The following TARDBP variants were observed in gnomAD, a reference collection of about 807,000 sequenced individuals.
TARDBP encodes TAR DNA binding protein, also known as TAR DNA-binding protein 43.
TARDBP carries 4 observed loss-of-function variants against 38.3 expected under a neutral mutation model. The ratio of observed to expected loss-of-function variants is 0.10; its 90% CI spans 0.05 to 0.24. TARDBP has a LOEUF of 0.24. Ranked by LOEUF, TARDBP falls within the 10% of genes least tolerant of loss-of-function variation. The pLI is 1.00. For missense variants in TARDBP, 202 were observed against 521.9 expected, an observed-to-expected ratio of 0.39 and a Z score of 5.97; for synonymous variants, 184 against 183.8, an observed-to-expected ratio of 1.00 and a Z score of -0.01.
At chr1:11,015,347 G>A (rs1327041778) in intron 2 of TARDBP, among the ~76,000 whole-genome samples, 2 of 151,878 alleles carry the variant, frequency 1.3e-5, no homozygotes, top group Admixed American at 6.6e-5. Context: ...TTAGCCAGGC[G>A]TGGTGGTTCG....
intron 2 of TARDBP, among the ~76,000 whole-genome samples, chr1:11,016,537 T>C (rs939455936): frequency 6.6e-6 from 1 of 152,220 alleles, no homozygotes; most frequent in African/African-American, 2.4e-5. Context: ...GTTGCTGATA[T>C]TTAAAGTCAA....
At chr1:11,019,133 T>G (rs746464868) in intron 4 of TARDBP, 3 of 497,798 alleles carry the variant, frequency 6.0e-6, no homozygotes, top group Non-Finnish European at 1.1e-5. Context: ...AAAGGTTATT[T>G]GTCAAGTTAA....
rs763180944 is a variant in TARDBP at position 11,022,183 on chromosome 1, C to T, written c.774C>T (p.Ser258=). Residue 258 remains serine, a synonymous_variant, in exon 6 of 6, where the codon TCC becomes TCT. Transcript: ENST00000240185. The surrounding 1 kb of genome is among the most constrained non-coding windows in gnomAD (Gnocchi z 4.5). The stretch of plus-strand genomic sequence containing the variant: ...TTAAAGGAATCAGCGTTCATATATC[C>T]AATGCCGAACCTAAGCACAATAGCA... The part of the protein sequence containing the change: ...LIIKGISVHI[S]NAEPKHNSNR... 2.5e-6 allele frequency: 4 copies of T among 1,613,928 alleles called. No individual in the cohort carries two copies. The South Asian group carries it at 4.4e-5, about 18-fold the overall frequency.
downstream of TARDBP, chr1:11,025,869 ATTT>A: frequency 9.0e-5 from 14 of 154,924 alleles, 2 homozygotes; most frequent in Middle Eastern, 7.3e-3. Context: ...AGTAAGAATG[ATTT>A]TGTTGTTGTT....
At position 11,016,878 on chromosome 1, in the gene TARDBP, A is replaced by G. The variant is rs369009972; in HGVS notation, c.273A>G (p.Ser91=). 7 of 1,614,096 alleles carry G rather than the reference A, an allele frequency of 4.3e-6. No individual in the cohort carries two copies. The highest frequency in any genetic ancestry group is 5.9e-6 in the Non-Finnish European group (7 of 1,180,052). The change falls in exon 3 of 6, where the codon TCA becomes TCG. Residue 91 remains serine, a synonymous_variant. Coordinates refer to ENST00000240185, the MANE Select transcript of TARDBP (RefSeq NM_007375.4). ...NKRKMDETDA[S]SAVKVKRAVQ... is the part of the protein sequence containing the mutation. Reference sequence around the variant, plus strand: ...GAAAAATGGATGAGACAGATGCTTCATCAGCAGTGAAAGTGAAAAGAGCAG... The same window carrying G: ...GAAAAATGGATGAGACAGATGCTTCGTCAGCAGTGAAAGTGAAAAGAGCAG...
downstream of TARDBP, chr1:11,026,979 C>A: frequency 6.3e-7 from 1 of 1,585,274 alleles, no homozygotes; most frequent in Non-Finnish European, 8.6e-7. Flanking sequence ...ATTCATGGAA[C>A]CCCAGGACAC....
rs1643673607 is a variant in TARDBP at position 11,023,151 on chromosome 1, TACACA to T, written c.*499_*503del. On this transcript the variant is annotated 3_prime_UTR_variant, in exon 6 of 6. Coordinates refer to ENST00000240185, the MANE Select transcript of TARDBP (RefSeq NM_007375.4). ...GTTTTTTAACACTTGTCTCCCCTCA[TACACA>T]AAAGTACAATATGAAGCCTTCATTT... 5.2e-6 allele frequency: 8 copies of T among 1,547,236 alleles called. No individual in the cohort carries two copies. The highest frequency in any genetic ancestry group is 7.0e-6 in the Non-Finnish European group (8 of 1,144,628).
chr1:11,015,317 C>T (rs994630989), intron 2 of TARDBP, among the ~76,000 whole-genome samples: 4 of 151,392 alleles, frequency 2.6e-5, no homozygotes, highest in African/African-American at 2.4e-5. Context: ...GAAACCCTGT[C>T]TCTACTAAAA....
At chr1:11,018,601 C>A in intron 3 of TARDBP, 132 bp from the exon 4 acceptor site, 1 of 1,238,140 alleles carries the variant, frequency 8.1e-7, no homozygotes, top group Non-Finnish European at 1.2e-6. Context: ...ACTGTTAAGA[C>A]TAACTTGGTT....
At chr1:11,025,717 G>A (rs1437260588), downstream of TARDBP, 1 of 152,308 alleles carries the variant, frequency 6.6e-6, no homozygotes, top group Non-Finnish European at 1.5e-5. Context: ...AAACTTGAAT[G>A]TTAGCTATTA....
chr1:11,021,527 C>CA (rs1643639087), intron 5 of TARDBP, among the ~76,000 whole-genome samples: 1 of 152,196 alleles, frequency 6.6e-6, no homozygotes, highest in Non-Finnish European at 1.5e-5. Flanking sequence ...ATCCACCCCC[C>CA]TCAGCCTCCC....
intron 5 of TARDBP, among the ~76,000 whole-genome samples, chr1:11,021,066 A>G (rs1290856221): frequency 6.6e-6 from 1 of 152,224 alleles, no homozygotes; most frequent in East Asian, 1.9e-4. Flanking sequence ...TCACAAATAC[A>G]ACATTTTAAG....
chr1:11,026,667 T>TGTA, downstream of TARDBP: 4 of 382,720 alleles, frequency 1.0e-5, no homozygotes, highest in Non-Finnish European at 1.4e-5. Flanking sequence ...AAGATGACTG[T>TGTA]CACTCTCGTG....
At chr1:11,020,358 C>T in intron 4 of TARDBP, 71 bp from the exon 5 acceptor site, 1 of 1,579,104 alleles carries the variant, frequency 6.3e-7, no homozygotes, top group South Asian at 1.1e-5. Flanking sequence ...TTGTTATATC[C>T]CTTACCTTAA....
At chr1:11,018,112 G>C (rs1643565301) in intron 3 of TARDBP, among the ~76,000 whole-genome samples, 2 of 151,872 alleles carry the variant, frequency 1.3e-5, no homozygotes, top group African/African-American at 4.8e-5. Flanking sequence ...TCGATCTCCT[G>C]ACCTCATGAT....
In TARDBP at chr1:11,023,275, C is replaced by T. The variant is rs374735544; in HGVS notation, c.*621C>T. 4.5e-5 allele frequency: 70 copies of T among 1,546,900 alleles called. No individual in the cohort carries two copies. The South Asian group carries it at 8.4e-4, about 18-fold the overall frequency. ...TATTCTGCCATAGGAATACTGTCTA[C>T]ATGCTTTCTCATTCAAGAATTCGTC... On this transcript the variant is annotated 3_prime_UTR_variant, in exon 6 of 6. Coordinates refer to ENST00000240185, the MANE Select transcript of TARDBP (RefSeq NM_007375.4).
At chr1:11,020,698 G>A in intron 5 of TARDBP, 99 bp downstream of exon 5, 1 of 1,314,096 alleles carries the variant, frequency 7.6e-7, no homozygotes, top group South Asian at 1.2e-5. Flanking sequence ...ACGAGGTCAG[G>A]AGATCAAGAC....
intron 4 of TARDBP, 101 bp downstream of exon 4, chr1:11,018,974 G>A: frequency 6.5e-7 from 1 of 1,541,754 alleles, no homozygotes; most frequent in Non-Finnish European, 9.0e-7. Context: ...GGCAGGGTGT[G>A]TTCATGAAAT....
At chr1:11,014,554 ATCTG>A (rs767772860) in intron 2 of TARDBP, among the ~76,000 whole-genome samples, 10 of 152,222 alleles carry the variant, frequency 6.6e-5, no homozygotes, top group Non-Finnish European at 1.5e-4. Flanking sequence ...TTAGTAGTCG[ATCTG>A]TCTGTGTGTT....
Sources: allele counts gnomAD v4.1 joint callset (sites outside exome capture counted in the v4.1 genomes callset), GRCh38; gene constraint gnomAD v4.1.1; non-coding constraint Gnocchi (gnomAD v3.1); transcripts MANE v1.5; gene names NCBI Gene and HGNC (gene_info 2026-07-23, HGNC 2026-07-21).